SLC44A5: variants seen among roughly 807,000 people sequenced by gnomAD.
SLC44A5 encodes solute carrier family 44 member 5, also known as choline transporter-like protein 5.
A neutral mutation model predicts 101.8 loss-of-function variants in SLC44A5; 57 were observed. The observed-to-expected ratio is 0.56, with a 90% confidence interval of 0.45 to 0.70. SLC44A5 has a LOEUF of 0.70. Ranked by LOEUF, SLC44A5 falls within the 30% of genes least tolerant of loss-of-function variation. The probability of loss-of-function intolerance (pLI) is 0.00; values close to 1 mark genes in which losing one functional copy is unlikely to be tolerated. For synonymous variants in SLC44A5, 281 were observed against 290.9 expected (o/e 0.97, Z 0.35); for missense variants, 737 against 853.1 (o/e 0.86, Z 1.70).
At position 75,277,121 on chromosome 1, in the gene SLC44A5, C is replaced by T. The variant is rs142320723; in HGVS notation, c.176-2079G>A. Among the ~76,000 whole-genome samples, 822 of 151,928 alleles carry T rather than the reference C, an allele frequency of 5.4e-3. 9 individuals carry two copies. The highest frequency in any genetic ancestry group is 0.018 in the African/African-American group (748 of 41,390). On this transcript the variant is annotated intron_variant, in intron 5 of 23. Coordinates refer to ENST00000370859, the MANE Select transcript of SLC44A5 (RefSeq NM_001130058.2). ...TATGTTAGAGTTCTCAAGAAATACA[C>T]GAAAAGGGGAGAATAAGGTTTGTAG...
rs141691248 is a variant in SLC44A5, at chr1:75,607,743, A to G, written c.-70+3297T>C. 4.0e-3 allele frequency among the ~76,000 whole-genome samples: 603 copies of G among 151,998 alleles called. 6 individuals carry two copies. The highest frequency in any genetic ancestry group is 0.014 in the African/African-American group (573 of 41,482). The stretch of plus-strand genomic sequence containing the variant: ...AAAGGGGAGTTCCCCTGTACATGCT[A>G]TCTTGCATGCTGCCATGTAAGATGT... On this transcript the variant is annotated intron_variant, in intron 1 of 23. Coordinates refer to ENST00000370859, the MANE Select transcript of SLC44A5 (RefSeq NM_001130058.2).
At chr1:75,305,324 T>G (rs1654817854) in intron 4 of SLC44A5, among the ~76,000 whole-genome samples, 1 of 152,214 alleles carries the variant, frequency 6.6e-6, no homozygotes, top group African/African-American at 2.4e-5. Flanking sequence ...TTTAATCCTC[T>G]CTTCAGACTA....
At chr1:75,346,558 G>A (rs1003936688) in intron 3 of SLC44A5, among the ~76,000 whole-genome samples, 1 of 152,074 alleles carries the variant, frequency 6.6e-6, no homozygotes, top group Admixed American at 6.6e-5. Context: ...TGATTAGTGT[G>A]ACAAAGCAGT....
chr1:75,344,379 A>G (rs1355366540), intron 3 of SLC44A5, among the ~76,000 whole-genome samples: 1 of 152,216 alleles, frequency 6.6e-6, no homozygotes, highest in Non-Finnish European at 1.5e-5. Flanking sequence ...TGTGGTAGAC[A>G]GAATAATGGC....
the SLC44A5 span, among the ~76,000 whole-genome samples, chr1:75,652,825 C>T: frequency 0.032 from 4,830 of 152,098 alleles, 260 homozygotes; most frequent in African/African-American, 0.11. Context: ...AAAACAGTCC[C>T]ACAACCTTAT....
chr1:75,397,930 TA>T (rs752378589), intron 2 of SLC44A5, among the ~76,000 whole-genome samples: 1 of 152,086 alleles, frequency 6.6e-6, no homozygotes, highest in Non-Finnish European at 1.5e-5. Flanking sequence ...CCACATTCAT[TA>T]GGATGGTAAG....
chr1:75,697,721 T>A, the SLC44A5 span, among the ~76,000 whole-genome samples: 1 of 152,204 alleles, frequency 6.6e-6, no homozygotes, highest in Non-Finnish European at 1.5e-5. Flanking sequence ...GGGCGATTTC[T>A]GCATTTCCAT....
intron 1 of SLC44A5, among the ~76,000 whole-genome samples, chr1:75,549,769 T>A (rs1396255041): frequency 6.6e-6 from 1 of 152,086 alleles, no homozygotes; most frequent in African/African-American, 2.4e-5. Context: ...TAACATTATA[T>A]CTGGAGATTT....
At chr1:75,245,133 T>C (rs112858144) in intron 7 of SLC44A5, among the ~76,000 whole-genome samples, 1 of 152,108 alleles carries the variant, frequency 6.6e-6, no homozygotes, top group African/African-American at 2.4e-5. Context: ...CTTGAAGCAA[T>C]AGCAGTTCAA....
intron 3 of SLC44A5, among the ~76,000 whole-genome samples, chr1:75,376,862 G>C (rs1263923827): frequency 6.6e-6 from 1 of 152,196 alleles, no homozygotes; most frequent in Non-Finnish European, 1.5e-5. Context: ...GAAGGCTTCA[G>C]ACGATCAAAT....
At chr1:75,275,216 T>C (rs1489132041) in intron 5 of SLC44A5, among the ~76,000 whole-genome samples, 174 bp from the exon 6 acceptor site, 1 of 152,182 alleles carries the variant, frequency 6.6e-6, no homozygotes, top group Non-Finnish European at 1.5e-5. Flanking sequence ...AAAATATGGA[T>C]GAACCAGTCA....
chr1:75,345,453 A>AG (rs1465087047), intron 3 of SLC44A5, among the ~76,000 whole-genome samples: 1 of 152,136 alleles, frequency 6.6e-6, no homozygotes, highest in Admixed American at 6.6e-5. Flanking sequence ...CTACCTTCAG[A>AG]GGGGACCAAC....
At chr1:75,509,802 A>G (rs1669466475) in intron 2 of SLC44A5, among the ~76,000 whole-genome samples, 1 of 152,202 alleles carries the variant, frequency 6.6e-6, no homozygotes. Flanking sequence ...TAGGGCTTAC[A>G]ATTAAAGTAT....
At chr1:75,343,656 G>C (rs567242453) in intron 3 of SLC44A5, among the ~76,000 whole-genome samples, 2 of 152,240 alleles carry the variant, frequency 1.3e-5, no homozygotes, top group Non-Finnish European at 2.9e-5. Flanking sequence ...GAACTTAAAA[G>C]AGACCTACTG....
intron 1 of SLC44A5, among the ~76,000 whole-genome samples, chr1:75,565,976 T>C (rs1293543701): frequency 6.6e-6 from 1 of 152,204 alleles, no homozygotes; most frequent in Non-Finnish European, 1.5e-5. Flanking sequence ...ATTATTCAAA[T>C]GTTAAAAAAG....
intron 1 of SLC44A5, among the ~76,000 whole-genome samples, chr1:75,575,627 G>A (rs1673316632): frequency 6.6e-6 from 1 of 152,134 alleles, no homozygotes; most frequent in Admixed American, 6.5e-5. Context: ...AAGTTATTTA[G>A]AGTAGTCCAC....
chr1:75,353,940 A>G, intron 3 of SLC44A5: 1 of 292,474 alleles, frequency 3.4e-6, no homozygotes, highest in Non-Finnish European at 6.6e-6. Flanking sequence ...GTAAGGTAGA[A>G]CCTATTCTCA....
chr1:75,548,239 A>G (rs1395456944), intron 1 of SLC44A5, among the ~76,000 whole-genome samples: 1 of 152,116 alleles, frequency 6.6e-6, no homozygotes, highest in African/African-American at 2.4e-5. Context: ...TTTAGAGACC[A>G]GTTTCCTTCT....
chr1:75,571,528 T>C (rs913908241), intron 1 of SLC44A5, among the ~76,000 whole-genome samples: 4 of 152,124 alleles, frequency 2.6e-5, no homozygotes, highest in Non-Finnish European at 5.9e-5. Flanking sequence ...ATATAACCAT[T>C]CTGGTTTTCA....
Sources: gnomAD v4.1 joint callset for allele counts (sites outside exome capture counted in the v4.1 genomes callset) on GRCh38, gnomAD v4.1.1 for gene constraint, MANE v1.5 for transcripts, NCBI Gene and HGNC (gene_info 2026-07-23, HGNC 2026-07-21) for gene names.